SORCS3: variants seen among roughly 807,000 people sequenced by gnomAD.
SORCS3 encodes VPS10 domain-containing receptor SorCS3.
SORCS3 carries 57 observed loss-of-function variants against 146.3 expected under a neutral mutation model. That is an observed-to-expected ratio of 0.39 (90% confidence interval 0.31 to 0.49). The LOEUF (loss-of-function observed/expected upper bound fraction) is 0.49, where lower values mean the gene tolerates loss of function less well. SORCS3 is among the 20% of genes least tolerant of loss of function. SORCS3 has a pLI of 0.92. For missense variants in SORCS3, 1,341 were observed against 1,575.5 expected (o/e 0.85, Z 2.52); for synonymous variants, 653 against 618.5 (o/e 1.06, Z -0.83).
chr10:105,141,596 C>T (rs1323334263), intron 8 of SORCS3, among the ~76,000 whole-genome samples: 2 of 152,158 alleles, frequency 1.3e-5, no homozygotes, highest in Admixed American at 1.3e-4. Context: ...ATATGCTCTC[C>T]TGGGGTACTC....
intron 23 of SORCS3, among the ~76,000 whole-genome samples, chr10:105,254,753 C>T (rs184376880): frequency 6.6e-6 from 1 of 151,772 alleles, no homozygotes; most frequent in Non-Finnish European, 1.5e-5. Flanking sequence ...CAGTCAAGAT[C>T]ATGCCACTGC....
chr10:105,158,174 A>AAAAATGCTTCATTTTGAGGAAG (rs1397437206), intron 10 of SORCS3, among the ~76,000 whole-genome samples: 3 of 151,986 alleles, frequency 2.0e-5, no homozygotes, highest in Non-Finnish European at 2.9e-5. Context: ...TTTTCCTCAA[A>AAAAATGCTTCATTTTGAGGAAG]CCTTGCCCAT....
intron 4 of SORCS3, among the ~76,000 whole-genome samples, chr10:105,009,530 A>AC (rs568365518): frequency 1.3e-3 from 55 of 40,796 alleles, no homozygotes; most frequent in Middle Eastern, 0.014. Context: ...AAACAAACAA[A>AC]AAAAAAAAAA....
chr10:104,659,468 A>T (rs2015673813), intron 1 of SORCS3, among the ~76,000 whole-genome samples: 1 of 152,194 alleles, frequency 6.6e-6, no homozygotes, highest in African/African-American at 2.4e-5. Context: ...TTTTTAGTCC[A>T]GAGAATTTCC....
intron 1 of SORCS3, among the ~76,000 whole-genome samples, chr10:104,776,341 T>C (rs760971209): frequency 2.0e-5 from 3 of 152,108 alleles, no homozygotes; most frequent in Admixed American, 2.0e-4. Context: ...GGAATTCTTA[T>C]GTGTATTTTG....
At chr10:105,122,096 C>T (rs937234626) in intron 7 of SORCS3, among the ~76,000 whole-genome samples, 36 of 152,112 alleles carry the variant, frequency 2.4e-4, no homozygotes, top group African/African-American at 8.2e-4. Flanking sequence ...GGGTCCTTCT[C>T]CTATTAAAGA....
chr10:104,913,254 A>G (rs1202418972), intron 2 of SORCS3, among the ~76,000 whole-genome samples: 1 of 152,166 alleles, frequency 6.6e-6, no homozygotes, highest in East Asian at 1.9e-4. Context: ...AGACTGGAAG[A>G]AGAGCATCAA....
At chr10:104,996,287 A>G (rs1226518876) in intron 4 of SORCS3, among the ~76,000 whole-genome samples, 1 of 152,204 alleles carries the variant, frequency 6.6e-6, no homozygotes, top group Non-Finnish European at 1.5e-5. Context: ...GACTAATTTG[A>G]GGAGAATTGG....
intron 4 of SORCS3, among the ~76,000 whole-genome samples, chr10:104,977,802 GC>G: frequency 6.8e-6 from 1 of 147,722 alleles, no homozygotes; most frequent in Non-Finnish European, 1.5e-5. Context: ...CGCGATCTTG[GC>G]TCACTGTAAC....
chr10:104,743,867 C>A (rs1015364764), intron 1 of SORCS3, among the ~76,000 whole-genome samples: 1 of 152,198 alleles, frequency 6.6e-6, no homozygotes, highest in Non-Finnish European at 1.5e-5. Context: ...TTTATTCAGG[C>A]ATCCGCTTAA....
intron 12 of SORCS3, among the ~76,000 whole-genome samples, chr10:105,166,763 T>A (rs7913241): frequency 0.097 from 14,710 of 152,200 alleles, 834 homozygotes; most frequent in Admixed American, 0.16. Context: ...TGGTGGCTAT[T>A]TCAATTATTA....
intron 14 of SORCS3, among the ~76,000 whole-genome samples, chr10:105,186,905 T>A (rs1459040387): frequency 2.9e-5 from 4 of 139,146 alleles, no homozygotes; most frequent in African/African-American, 5.3e-5. Context: ...AAAAAAAAAA[T>A]TCCCTCTTTC....
chr10:105,077,389 A>T (rs774782221), intron 5 of SORCS3, among the ~76,000 whole-genome samples: 1 of 152,094 alleles, frequency 6.6e-6, no homozygotes, highest in Non-Finnish European at 1.5e-5. Flanking sequence ...GAACTTTTTA[A>T]TTTGCTGGGG....
intron 1 of SORCS3, among the ~76,000 whole-genome samples, chr10:104,788,215 A>C (rs2017459676): frequency 6.6e-6 from 1 of 152,204 alleles, no homozygotes; most frequent in Non-Finnish European, 1.5e-5. Flanking sequence ...AAGAAAACTA[A>C]AACGGAGCCA....
chr10:105,178,719 C>T (rs1325485280), intron 14 of SORCS3, among the ~76,000 whole-genome samples: 5 of 152,078 alleles, frequency 3.3e-5, no homozygotes, highest in Admixed American at 6.5e-5. Flanking sequence ...AGAAGTTGAT[C>T]ACCTGTGTTT....
intron 17 of SORCS3, 67 bp from the exon 18 acceptor site, chr10:105,214,375 C>CACACACAT: frequency 3.2e-6 from 5 of 1,565,624 alleles, no homozygotes; most frequent in Non-Finnish European, 4.4e-6. Flanking sequence ...AACACACACA[C>CACACACAT]ACACACATAC....
intron 20 of SORCS3, among the ~76,000 whole-genome samples, chr10:105,238,030 C>G (rs2056803145): frequency 6.6e-6 from 1 of 152,268 alleles, no homozygotes; most frequent in Non-Finnish European, 1.5e-5. Flanking sequence ...ATTCTCCATA[C>G]CTTCAAGGAG....
chr10:104,922,834 A>G (rs1293820985), intron 3 of SORCS3, among the ~76,000 whole-genome samples: 1 of 152,220 alleles, frequency 6.6e-6, no homozygotes, highest in Non-Finnish European at 1.5e-5. Context: ...CTTTAGAGTC[A>G]CAGGAGAACA....
At chr10:104,973,565 G>A (rs955117309) in intron 3 of SORCS3, among the ~76,000 whole-genome samples, 23 of 149,312 alleles carry the variant, frequency 1.5e-4, no homozygotes, top group East Asian at 2.0e-4. Context: ...TTTTTATTGC[G>A]TCTATTTGAT....
Sources: gnomAD v4.1 joint callset for allele counts (sites outside exome capture counted in the v4.1 genomes callset) on GRCh38, gnomAD v4.1.1 for gene constraint, MANE v1.5 for transcripts, NCBI Gene and HGNC (gene_info 2026-07-23, HGNC 2026-07-21) for gene names.